Variants in GABBR2 observed in about 807,000 individuals in gnomAD.
GABBR2 encodes the protein G-protein coupled receptor 51.
Under a neutral mutation model 105.6 loss-of-function variants are expected in GABBR2, and 23 were observed. That is an observed-to-expected ratio of 0.22 (90% CI 0.16 to 0.31). GABBR2 has a LOEUF of 0.31. Ranked by LOEUF, GABBR2 falls within the 10% of genes least tolerant of loss-of-function variation. The pLI is 1.00. For synonymous variants in GABBR2, 478 were observed against 499.7 expected (o/e 0.96, Z 0.58); for missense variants, 734 against 1,245.5 (o/e 0.59, Z 6.18).
intron 1 of GABBR2, among the ~76,000 whole-genome samples, chr9:98,670,868 TCA>T (rs1423129193): frequency 1.3e-5 from 2 of 152,164 alleles, no homozygotes; most frequent in African/African-American, 4.8e-5. Context: ...GATACAGAGT[TCA>T]GTTTTACAAT....
intron 8 of GABBR2, among the ~76,000 whole-genome samples, chr9:98,404,317 C>T (rs947793894): frequency 3.9e-5 from 6 of 152,046 alleles, no homozygotes; most frequent in African/African-American, 9.7e-5. Context: ...CTTTTGTGCA[C>T]GCCAGAGAGC....
chr9:98,696,171 C>A (rs1292188566), intron 1 of GABBR2, among the ~76,000 whole-genome samples: 2 of 152,132 alleles, frequency 1.3e-5, no homozygotes, highest in African/African-American at 4.8e-5. Context: ...TCGGGGAGGA[C>A]AGAGAATGCA....
At chr9:98,495,121 A>G (rs1157167131) in intron 4 of GABBR2, among the ~76,000 whole-genome samples, 1 of 152,150 alleles carries the variant, frequency 6.6e-6, no homozygotes, top group African/African-American at 2.4e-5. Context: ...TGGGCTGTCA[A>G]GCAGGCCCTT....
At chr9:98,310,949 T>C (rs1830625864) in intron 14 of GABBR2, 146 bp downstream of exon 14, 2 of 581,244 alleles carry the variant, frequency 3.4e-6, no homozygotes, top group Admixed American at 3.1e-5. Context: ...GGAACTGAGA[T>C]AGCATGTGGC....
chr9:98,705,826 C>T (rs1830885073), intron 1 of GABBR2, among the ~76,000 whole-genome samples: 1 of 152,176 alleles, frequency 6.6e-6, no homozygotes, highest in African/African-American at 2.4e-5. Context: ...CCTGTAATCC[C>T]AGCACTTTGG....
chr9:98,334,922 G>C (rs531766150), intron 13 of GABBR2, among the ~76,000 whole-genome samples: 2 of 152,120 alleles, frequency 1.3e-5, no homozygotes, highest in Non-Finnish European at 2.9e-5. Flanking sequence ...GTTCCTTTCC[G>C]AGCCACCATG....
At chr9:98,508,068 T>C (rs930972625) in intron 3 of GABBR2, among the ~76,000 whole-genome samples, 1 of 152,170 alleles carries the variant, frequency 6.6e-6, no homozygotes, top group Non-Finnish European at 1.5e-5. Flanking sequence ...ATTGCTTTAA[T>C]TGTTCCAGAC....
chr9:98,344,709 G>C (rs1051254562), intron 13 of GABBR2, among the ~76,000 whole-genome samples: 2 of 152,090 alleles, frequency 1.3e-5, no homozygotes, highest in Non-Finnish European at 2.9e-5. Context: ...CCTCCTGTGC[G>C]CATGGCTGTT....
chr9:98,660,745 T>C (rs1308396673), intron 1 of GABBR2, among the ~76,000 whole-genome samples: 4 of 152,184 alleles, frequency 2.6e-5, no homozygotes, highest in African/African-American at 4.8e-5. Flanking sequence ...TAGAGGCCAC[T>C]TCTATTTTTT....
chr9:98,335,439 G>A (rs1034227456), intron 13 of GABBR2, among the ~76,000 whole-genome samples: 5 of 152,088 alleles, frequency 3.3e-5, no homozygotes, highest in African/African-American at 1.2e-4. Flanking sequence ...ACAGTCTTGG[G>A]CCCTTCCTAG....
At chr9:98,399,992 C>T (rs1297995980) in intron 8 of GABBR2, among the ~76,000 whole-genome samples, 1 of 143,408 alleles carries the variant, frequency 7.0e-6, no homozygotes, top group Non-Finnish European at 1.5e-5. Flanking sequence ...GCTTGGGCAA[C>T]ATAGCGAGAC....
chr9:98,317,102 A>C (rs1830731381), intron 13 of GABBR2, among the ~76,000 whole-genome samples: 1 of 152,228 alleles, frequency 6.6e-6, no homozygotes, highest in South Asian at 2.1e-4. Flanking sequence ...GCTTCCCCTG[A>C]AGCCCCCAGA....
chr9:98,542,156 A>G (rs1425352931), intron 2 of GABBR2, 113 bp from the exon 3 acceptor site: 2 of 792,364 alleles, frequency 2.5e-6, no homozygotes, highest in Non-Finnish European at 2.0e-6. Flanking sequence ...ATAAACACAC[A>G]GGGACAGATA....
At chr9:98,404,765 T>A (rs1486243139) in intron 8 of GABBR2, among the ~76,000 whole-genome samples, 1 of 152,130 alleles carries the variant, frequency 6.6e-6, no homozygotes, top group Non-Finnish European at 1.5e-5. Flanking sequence ...TCTGAGGCCC[T>A]TCTGACAGCA....
At chr9:98,433,610 C>T (rs1825849431) in intron 7 of GABBR2, among the ~76,000 whole-genome samples, 1 of 152,182 alleles carries the variant, frequency 6.6e-6, no homozygotes, top group African/African-American at 2.4e-5. Flanking sequence ...AAGACTGGGA[C>T]ATCATGTCCT....
At chr9:98,309,590 G>C (rs1035291650) in intron 14 of GABBR2, among the ~76,000 whole-genome samples, 3 of 152,246 alleles carry the variant, frequency 2.0e-5, no homozygotes, top group African/African-American at 7.2e-5. Flanking sequence ...GCTTGGGGCT[G>C]ACGGTTCTGC....
chr9:98,359,737 G>C (rs1285641856), intron 13 of GABBR2, among the ~76,000 whole-genome samples: 3 of 152,238 alleles, frequency 2.0e-5, no homozygotes, highest in African/African-American at 4.8e-5. Context: ...GGCTGCCATG[G>C]CTACCTGTGT....
intron 5 of GABBR2, among the ~76,000 whole-genome samples, chr9:98,479,814 C>T (rs1375855332): frequency 6.6e-6 from 1 of 152,158 alleles, no homozygotes; most frequent in Non-Finnish European, 1.5e-5. Context: ...CCTTAGTTGC[C>T]AGACCCGGTA....
At chr9:98,685,007 G>A (rs1265738751) in intron 1 of GABBR2, among the ~76,000 whole-genome samples, 1 of 152,154 alleles carries the variant, frequency 6.6e-6, no homozygotes, top group Non-Finnish European at 1.5e-5. Context: ...TGTCTGTGAG[G>A]GTGTTGCCAA....
Sources: allele counts gnomAD v4.1 joint callset (sites outside exome capture counted in the v4.1 genomes callset), GRCh38; gene constraint gnomAD v4.1.1; transcripts MANE v1.5; gene names NCBI Gene and HGNC (gene_info 2026-07-23, HGNC 2026-07-21).